Variants in EARS2 observed in about 807,000 individuals in gnomAD.
EARS2 encodes nondiscriminating glutamyl-tRNA synthetase EARS2, mitochondrial.
In EARS2, 50 loss-of-function variants were observed where a neutral mutation model predicts 54.1. The observed-to-expected ratio is 0.92, with a 90% CI of 0.74 to 1.17. The LOEUF is 1.17. Ranked by LOEUF, EARS2 falls within the 50% of genes most tolerant of loss-of-function variation. The pLI, the probability that EARS2 is intolerant of heterozygous loss-of-function variation, is 0.00. For synonymous variants in EARS2, 298 were observed against 281.0 expected (o/e 1.06, Z -0.61); for missense variants, 673 against 675.0 (o/e 1.00, Z 0.03).
At chr16:23,551,408 G>A (rs921264035) in intron 2 of EARS2, among the ~76,000 whole-genome samples, 2 of 152,130 alleles carry the variant, frequency 1.3e-5, no homozygotes, top group African/African-American at 4.8e-5. Context: ...TTGAGCCCAG[G>A]AGTTTGAGAA....
At chr16:23,549,785 T>C (rs1965663009) in intron 2 of EARS2, among the ~76,000 whole-genome samples, 1 of 152,158 alleles carries the variant, frequency 6.6e-6, no homozygotes, top group Non-Finnish European at 1.5e-5. Flanking sequence ...ACATCCCTGG[T>C]CATTCTGCTC....
chr16:23,535,124 A>G lies in EARS2; in HGVS notation c.722T>C (p.Ile241Thr), dbSNP rs1298942153. Residue 241 changes from isoleucine to threonine, a missense_variant, in exon 4 of 9, where the codon ATC (isoleucine) becomes ACC (threonine). Physicochemically the swap from Ile to Thr is moderately conservative, Grantham distance 89 (BLOSUM62 -1). Coordinates refer to ENST00000449606, the MANE Select transcript of EARS2 (RefSeq NM_001083614.2). ...ACVVDDHHMGISHVLRGSEWL... is the reference protein window; with the variant it reads ...ACVVDDHHMGTSHVLRGSEWL... Reference sequence around the variant, plus strand: ...CTCAGAGCCTCGCAGCACGTGGCTGATGCCCATGTGGTGGTCGTCCACCAC... The same window carrying G: ...CTCAGAGCCTCGCAGCACGTGGCTGGTGCCCATGTGGTGGTCGTCCACCAC... 3 of 1,612,544 alleles carry G rather than the reference A, an allele frequency of 1.9e-6. No homozygotes were observed. The highest frequency in any genetic ancestry group is 1.8e-4 in the Middle Eastern group (1 of 5,536).
intron 3 of EARS2, among the ~76,000 whole-genome samples, chr16:23,542,168 A>C (rs1220658815): frequency 6.8e-6 from 1 of 146,908 alleles, no homozygotes; most frequent in Non-Finnish European, 1.5e-5. Context: ...TAATTTTTGT[A>C]TTTTTAGTAA....
rs778075224 is a variant in EARS2 at position 23,552,253 on chromosome 16, G to A, written c.191C>T (p.Ala64Val). ...LRTALYNYIF[A>V]KKYQGSFILR... The stretch of plus-strand genomic sequence containing the variant: ...GATGAAGCTCCCCTGGTACTTCTTA[G>A]CAAAGATGTAGTTGTACAAGGCAGT... The change falls in exon 2 of 9, where the codon GCT becomes GTT. Residue 64 changes from alanine (A) to valine (V), a missense_variant. Coordinates refer to ENST00000449606, the MANE Select transcript of EARS2 (RefSeq NM_001083614.2). 6.2e-7 allele frequency: 1 copy of A among 1,614,196 alleles called. No individual in the cohort carries two copies. Among genetic ancestry groups the A allele is most frequent in the Admixed American group, 1.7e-5 (1 of 60,024 alleles).
chr16:23,530,336 G>A (rs1348511145), intron 5 of EARS2, among the ~76,000 whole-genome samples: 1 of 152,128 alleles, frequency 6.6e-6, no homozygotes, highest in African/African-American at 2.4e-5. Context: ...ATGTTGTCCA[G>A]GCTAGGCAAC....
intron 7 of EARS2, among the ~76,000 whole-genome samples, chr16:23,527,442 T>A (rs1270853356): frequency 6.6e-6 from 1 of 152,110 alleles, no homozygotes; most frequent in Non-Finnish European, 1.5e-5. Flanking sequence ...CTCAGGGAAC[T>A]GGGTTCATAA....
At chr16:23,549,572 TC>T (rs1340815651) in intron 2 of EARS2, among the ~76,000 whole-genome samples, 1 of 152,154 alleles carries the variant, frequency 6.6e-6, no homozygotes, top group Non-Finnish European at 1.5e-5. Flanking sequence ...CAGGTGATGC[TC>T]CCACCTCAGC....
At position 23,534,888 on chromosome 16, in the gene EARS2, C is replaced by T. The variant is rs772192769; in HGVS notation, c.958G>A (p.Glu320Lys). 2.6e-6 allele frequency: 4 copies of T among 1,567,408 alleles called. No homozygotes were observed. In the East Asian group the frequency reaches 6.8e-5, roughly 26 times the overall value. The change falls in exon 4 of 9, where the codon GAG (glutamate) becomes AAG (lysine). Residue 320 changes from glutamate (E) to lysine (K), a missense_variant and splice_region_variant. Glu to Lys is a moderately conservative substitution (Grantham distance 56). This residue lies in a region of EARS2 where 338 missense variants were observed against 361.2 expected (regional missense o/e 0.94). Transcript: ENST00000449606. The stretch of plus-strand genomic sequence containing the variant: ...CAGGACTATTCAGGTGGGCACGTAC[C>T]TGCAAAACCTGAGCCACAGTTGGTG... Reference protein sequence around the residue: ...IITNCGSGFAENQMGRTLPEL... With the variant: ...IITNCGSGFAKNQMGRTLPEL...
chr16:23,537,765 G>T (rs1965445720), intron 3 of EARS2, among the ~76,000 whole-genome samples: 1 of 151,136 alleles, frequency 6.6e-6, no homozygotes, highest in South Asian at 2.1e-4. Context: ...GTAGAGACAG[G>T]GTTTCTTTCT....
chr16:23,557,362 C>G, upstream of EARS2: 1 of 1,538,528 alleles, frequency 6.5e-7, no homozygotes, highest in African/African-American at 1.4e-5. Flanking sequence ...GAATAGCACA[C>G]GTGGGCTTCT....
intron 5 of EARS2, among the ~76,000 whole-genome samples, chr16:23,531,994 G>A (rs1020161035): frequency 1.3e-5 from 2 of 152,106 alleles, no homozygotes; most frequent in Admixed American, 6.6e-5. Context: ...TGTATTTTTA[G>A]TAGAGACAGG....
Position 23,524,201 on chromosome 16 carries a change from C to G in EARS2, c.*170G>C, listed in dbSNP as rs1029191438. The G allele has an allele frequency of 4.5e-6, 3 of 665,174 alleles. No homozygotes were observed. The African/African-American group carries it at 5.4e-5, about 12-fold the overall frequency. 41.2% of individuals were successfully genotyped at this position (665,174 alleles called of 1,614,324 possible). On this transcript the variant is annotated 3_prime_UTR_variant, in exon 9 of 9. Coordinates refer to ENST00000449606, the MANE Select transcript of EARS2 (RefSeq NM_001083614.2). The stretch of plus-strand genomic sequence containing the variant: ...GGCTTCCCCAGCCAATTGACAAAAA[C>G]GTGCCTGTGGTGGATCACAAATGCA...
intron 5 of EARS2, among the ~76,000 whole-genome samples, chr16:23,531,726 A>T (rs1052490187): frequency 2.0e-5 from 3 of 152,258 alleles, no homozygotes; most frequent in Non-Finnish European, 4.4e-5. Context: ...AAGTAAATGC[A>T]CTGATACTGT....
intron 4 of EARS2, 26 bp downstream of exon 4, chr16:23,534,862 C>G (rs767860727): frequency 6.5e-7 from 1 of 1,536,132 alleles, no homozygotes; most frequent in African/African-American, 1.4e-5. Context: ...CTCTCTGCTG[C>G]CAGGACTATT....
chr16:23,557,322 G>T lies in EARS2; in HGVS notation c.22C>A (p.Leu8Met). The T allele has an allele frequency of 6.5e-7, 1 of 1,539,776 alleles. No homozygotes were observed. Among genetic ancestry groups the T allele is most frequent in the Non-Finnish European group, 8.7e-7 (1 of 1,150,596 alleles). Residue 8 changes from leucine (L) to methionine (M), a missense_variant, in exon 1 of 9, where the codon CTG (leucine) becomes ATG (methionine). Physicochemically the swap from Leu to Met is conservative, Grantham distance 15 (BLOSUM62 2). Coordinates refer to ENST00000449606, the MANE Select transcript of EARS2 (RefSeq NM_001083614.2). ...GCCGAAGGCCTCTCGCGCTGCAGCA[G>T]TCTCCTCAGGAGCGCCGCCATGTGG... MAALLRR[L>M]LQRERPSAAS...
At chr16:23,555,200 T>G (rs754040492) in intron 1 of EARS2, among the ~76,000 whole-genome samples, 7 of 152,100 alleles carry the variant, frequency 4.6e-5, no homozygotes, top group Non-Finnish European at 1.0e-4. Context: ...AATTTGCACA[T>G]CTAGGCCAGG....
At chr16:23,529,451 G>A (rs766180648) in intron 7 of EARS2, 51 bp downstream of exon 7, 2 of 1,590,526 alleles carry the variant, frequency 1.3e-6, no homozygotes, top group Non-Finnish European at 1.7e-6. Context: ...CCATGGGACA[G>A]AGAGAGGGAA....
chr16:23,530,007 AG>A (rs1965298242), intron 5 of EARS2, 110 bp from the exon 6 acceptor site: 1 of 1,366,728 alleles, frequency 7.3e-7, no homozygotes, highest in Non-Finnish European at 9.9e-7. Context: ...AGGTCCCATG[AG>A]CCCTCCCTTT....
chr16:23,526,969 T>TA (rs888411635), intron 7 of EARS2, among the ~76,000 whole-genome samples: 1 of 62,316 alleles, frequency 1.6e-5, no homozygotes, highest in Admixed American at 1.7e-4. Context: ...AATAATTAAT[T>TA]ATTTTTTTTT....
Sources: gnomAD v4.1 joint callset for allele counts (sites outside exome capture counted in the v4.1 genomes callset) on GRCh38, gnomAD v4.1.1 for gene constraint, gnomAD v4.1.1 regional missense constraint, MANE v1.5 for transcripts, NCBI Gene and HGNC (gene_info 2026-07-23, HGNC 2026-07-21) for gene names.